The following SRPRA variants were observed in gnomAD, a reference collection of about 807,000 sequenced individuals.
SRPRA encodes SRP receptor subunit alpha.
Under a neutral mutation model 61.1 loss-of-function variants are expected in SRPRA, and 30 were observed. The ratio of observed to expected loss-of-function variants is 0.49; its 90% confidence interval spans 0.37 to 0.67. The LOEUF is 0.67. Among genes scored for constraint, SRPRA ranks in the 30% least tolerant of loss-of-function variants. SRPRA has a pLI of 0.00. For synonymous variants in SRPRA, 324 were observed against 299.7 expected, an observed-to-expected ratio of 1.08 and a Z score of -0.84; for missense variants, 759 against 828.4, an observed-to-expected ratio of 0.92 and a Z score of 1.03.
chr11:126,267,338 A>C lies in SRPRA; in HGVS notation c.366-3T>G. On this transcript the variant is annotated splice_polypyrimidine_tract_variant and splice_region_variant and intron_variant, in intron 3 of 13. Transcript: ENST00000332118. This position sits in a 1 kb window ranked among gnomAD's most constrained non-coding sequence, Gnocchi z 4.2. ...TCTTACTGCTCTCCTCTGCTTCACT[A>C]AACAAAAAGGAGAATGGTTTATCTT... 1 of 1,612,992 alleles carries C rather than the reference A, an allele frequency of 6.2e-7. No individual in the cohort carries two copies. The highest frequency in any genetic ancestry group is 8.5e-7 in the Non-Finnish European group (1 of 1,179,738).
At chr11:126,236,392 A>G in the SRPRA span, among the ~76,000 whole-genome samples, 1 of 152,246 alleles carries the variant, frequency 6.6e-6, no homozygotes, top group African/African-American at 2.4e-5. Context: ...ACATCTAAGT[A>G]TTCCTGCCAA....
chr11:126,268,895 C>T lies in SRPRA; in HGVS notation c.-91G>A, dbSNP rs1246683438. The T allele has an allele frequency of 9.5e-7, 1 of 1,057,162 alleles. No homozygotes were observed. Among genetic ancestry groups the T allele is most frequent in the Non-Finnish European group, 1.4e-6 (1 of 695,542 alleles). The allele number at this position is 1,057,162 out of a possible 1,614,324, so 65.5% of individuals were successfully genotyped here. On this transcript the variant is annotated 5_prime_UTR_variant, in exon 1 of 14. It adds an upstream start codon to the 5' untranslated region. Transcript: ENST00000332118. ...GCTGCGCCAAGCGCGGGACACGTCA[C>T]ACCAGTGGCCCCGGAAATCGGCTCA...
At chr11:126,262,337 G>T, downstream of SRPRA, 260 of 430,458 alleles carry the variant, frequency 6.0e-4, no homozygotes, top group East Asian at 8.4e-4. Flanking sequence ...GCCTGTTCAA[G>T]TTCAAGAATA....
At chr11:126,239,160 A>C in the SRPRA span, among the ~76,000 whole-genome samples, 1 of 151,850 alleles carries the variant, frequency 6.6e-6, no homozygotes, top group Non-Finnish European at 1.5e-5. Flanking sequence ...TGTTTGGCAG[A>C]GATGGGGTCT....
the SRPRA span, among the ~76,000 whole-genome samples, chr11:126,242,024 C>CAAA: frequency 5.7e-5 from 5 of 88,410 alleles, no homozygotes; most frequent in African/African-American, 2.2e-4. Context: ...GACTCCGTCT[C>CAAA]AAAAAAAAAA....
chr11:126,243,724 C>G, the SRPRA span, among the ~76,000 whole-genome samples: 2 of 151,786 alleles, frequency 1.3e-5, no homozygotes, highest in Non-Finnish European at 2.9e-5. Context: ...ACCAACATGG[C>G]AAAACCCTGT....
Position 126,264,557 on chromosome 11 carries a change from T to G in SRPRA, c.1526-18A>C. On this transcript the variant is annotated intron_variant, in intron 11 of 13. Coordinates refer to ENST00000332118, the MANE Select transcript of SRPRA (RefSeq NM_003139.4). The surrounding 1 kb of genome is among the most constrained non-coding windows in gnomAD (Gnocchi z 5.0). ...GTTACGTGCTAGAGAAAGAAAGTAG[T>G]CAACTCTGAACACCTGGACTACCAC... 1 of 1,611,574 alleles carries G rather than the reference T, an allele frequency of 6.2e-7. No individual in the cohort carries two copies. Among genetic ancestry groups the G allele is most frequent in the Non-Finnish European group, 8.5e-7 (1 of 1,179,762 alleles).
In SRPRA at chr11:126,265,438, C is replaced by A. The variant is rs1485539536; in HGVS notation, c.1141G>T (p.Val381Leu). 1.2e-6 allele frequency: 2 copies of A among 1,609,776 alleles called. No individual in the cohort carries two copies. Among genetic ancestry groups the A allele is most frequent in the African/African-American group, 2.7e-5 (2 of 74,830 alleles). ...EGKVMGTFST[V>L]TSTVKQALQE... ...AGGGCTTGCTTTACTGTGGAAGTCACCGCTGAAAGGGGAGGTGGAGGAGGT... is the reference window on the plus strand; with the variant it reads ...AGGGCTTGCTTTACTGTGGAAGTCAACGCTGAAAGGGGAGGTGGAGGAGGT... Residue 381 changes from valine to leucine, a missense_variant and splice_region_variant, in exon 10 of 14, where the codon GTG becomes TTG. Transcript: ENST00000332118. The surrounding 1 kb of genome is among the most constrained non-coding windows in gnomAD (Gnocchi z 6.3).
chr11:126,248,920 C>T, the SRPRA span, among the ~76,000 whole-genome samples: 1 of 152,196 alleles, frequency 6.6e-6, no homozygotes, highest in Non-Finnish European at 1.5e-5. Flanking sequence ...GTTACTTTCC[C>T]ATTTCAAATT....
At chr11:126,249,604 G>A in the SRPRA span, among the ~76,000 whole-genome samples, 1 of 151,858 alleles carries the variant, frequency 6.6e-6, no homozygotes, top group South Asian at 2.1e-4. Context: ...AGTGGCAGGC[G>A]CCTGTAATCC....
In SRPRA at chr11:126,263,720, TG is replaced by T; in HGVS notation, c.*195del. 1.3e-6 allele frequency: 1 copy of T among 743,754 alleles called. No individual in the cohort carries two copies. The highest frequency in any genetic ancestry group is 2.2e-6 in the Non-Finnish European group (1 of 462,698). The allele number at this position is 743,754 out of a possible 1,614,324, so 46.1% of individuals were successfully genotyped here. ...TGGGAGAGGGTCAGTGGGCAGTGATTGTAACATGATTAGGCCTTCCTTGCAG... is the reference window on the plus strand; with the variant it reads ...TGGGAGAGGGTCAGTGGGCAGTGATTTAACATGATTAGGCCTTCCTTGCAG... On this transcript the variant is annotated 3_prime_UTR_variant, in exon 14 of 14. Coordinates refer to ENST00000332118, the MANE Select transcript of SRPRA (RefSeq NM_003139.4).
downstream of SRPRA, chr11:126,261,628 C>T: frequency 3.1e-6 from 2 of 640,724 alleles, no homozygotes; most frequent in Non-Finnish European, 5.5e-6. Flanking sequence ...TCCTCTCCTA[C>T]CCATTAAGGA....
chr11:126,251,586 G>C, the SRPRA span, among the ~76,000 whole-genome samples: 2 of 152,152 alleles, frequency 1.3e-5, no homozygotes, highest in African/African-American at 2.4e-5. Context: ...ATTCTGTATG[G>C]TCAGCTCCTT....
chr11:126,268,265 G>A (rs1950862458), intron 1 of SRPRA, among the ~76,000 whole-genome samples, 179 bp from the exon 2 acceptor site: 2 of 152,168 alleles, frequency 1.3e-5, no homozygotes, highest in Admixed American at 1.3e-4. Flanking sequence ...AGATAACCAA[G>A]TTGGGGGAAA....
chr11:126,262,274 G>C (rs540941191), downstream of SRPRA: 22 of 840,190 alleles, frequency 2.6e-5, no homozygotes, highest in East Asian at 3.1e-4. Context: ...GGTAGAAGAG[G>C]GGGGAATGTT....
downstream of SRPRA, among the ~76,000 whole-genome samples, chr11:126,259,851 G>C (rs1032029621): frequency 2.6e-5 from 4 of 151,872 alleles, no homozygotes; most frequent in African/African-American, 9.7e-5. Flanking sequence ...CTCCCGAGTA[G>C]CTGGGACTAA....
At chr11:126,262,261 C>T (rs80330325), downstream of SRPRA, 226 of 861,264 alleles carry the variant, frequency 2.6e-4, no homozygotes, top group Non-Finnish European at 3.6e-4. Context: ...GGTTGAAGGG[C>T]GGGGTAGAAG....
In SRPRA at chr11:126,268,762, G is replaced by A; in HGVS notation, c.43C>T (p.Leu15Phe). 1.9e-6 allele frequency: 3 copies of A among 1,613,846 alleles called. No individual in the cohort carries two copies. The highest frequency in any genetic ancestry group is 1.7e-6 in the Non-Finnish European group (2 of 1,180,032). Residue 15 changes from leucine to phenylalanine, a missense_variant, in exon 1 of 14, where the codon CTC becomes TTC. This residue lies in a region of SRPRA where 475 missense variants were observed against 462.5 expected (regional missense o/e 1.03). Transcript: ENST00000332118. ...TCGCTAACGCCCTGGAAGCACCAGA[G>A]CACAAGCCCGCCCTTGGAGAAAATG... ...FTIFSKGGLV[L>F]WCFQGVSDSC... is the part of the protein sequence containing the mutation.
the SRPRA span, among the ~76,000 whole-genome samples, chr11:126,247,278 C>A: frequency 6.6e-6 from 1 of 152,086 alleles, no homozygotes; most frequent in African/African-American, 2.4e-5. Flanking sequence ...GTGACAGAGC[C>A]AGACTTTCTC....
Sources: gnomAD v4.1 joint callset for allele counts (sites outside exome capture counted in the v4.1 genomes callset) on GRCh38, gnomAD v4.1.1 for gene constraint, gnomAD v4.1.1 regional missense constraint, Gnocchi (gnomAD v3.1) non-coding constraint, MANE v1.5 for transcripts, NCBI Gene and HGNC (gene_info 2026-07-23, HGNC 2026-07-21) for gene names.